The following CAMTA1 variants were observed in gnomAD, a reference collection of about 807,000 sequenced individuals.
CAMTA1 encodes the protein calmodulin-binding transcription activator 1.
A neutral mutation model predicts 170.9 loss-of-function variants in CAMTA1; 27 were observed. The observed-to-expected ratio is 0.16, with a 90% confidence interval of 0.12 to 0.22. The LOEUF is 0.22. Ranked by LOEUF, CAMTA1 falls within the 10% of genes least tolerant of loss-of-function variation. CAMTA1 has a pLI of 1.00. For missense variants in CAMTA1, 1,619 were observed against 2,217.2 expected, an observed-to-expected ratio of 0.73 and a Z score of 5.42; for synonymous variants, 833 against 891.5, an observed-to-expected ratio of 0.93 and a Z score of 1.17.
chr1:7,708,864 G>T (rs1370858460), intron 11 of CAMTA1, among the ~76,000 whole-genome samples: 1 of 152,160 alleles, frequency 6.6e-6, no homozygotes, highest in African/African-American at 2.4e-5. Flanking sequence ...AATGTGGAAG[G>T]TGATGATAAG....
chr1:7,188,582 C>G (rs1322790394), intron 4 of CAMTA1, among the ~76,000 whole-genome samples: 1 of 152,188 alleles, frequency 6.6e-6, no homozygotes, highest in Non-Finnish European at 1.5e-5. Context: ...CCTTTTGTGG[C>G]AGACATATTT....
At chr1:7,686,924 CTGAGA>C (rs1472924053) in intron 11 of CAMTA1, among the ~76,000 whole-genome samples, 1 of 151,942 alleles carries the variant, frequency 6.6e-6, no homozygotes, top group Non-Finnish European at 1.5e-5. Flanking sequence ...AAACCATTTC[CTGAGA>C]TGGAGAAGTC....
intron 3 of CAMTA1, among the ~76,000 whole-genome samples, chr1:6,979,096 G>A (rs976691780): frequency 6.6e-6 from 1 of 152,216 alleles, no homozygotes; most frequent in Non-Finnish European, 1.5e-5. Flanking sequence ...GTGGCTGGAG[G>A]AGGGAGTGCG....
chr1:7,110,811 C>A (rs191533041), intron 4 of CAMTA1, among the ~76,000 whole-genome samples: 1 of 152,206 alleles, frequency 6.6e-6, no homozygotes, highest in Non-Finnish European at 1.5e-5. Context: ...AGTTTAGGGA[C>A]TCTGTGCGAC....
chr1:7,508,954 G>A lies in CAMTA1; in HGVS notation c.510+41053G>A, dbSNP rs190030328. 2.5e-3 allele frequency among the ~76,000 whole-genome samples: 382 copies of A among 152,012 alleles called. 1 individual carries two copies. The highest frequency in any genetic ancestry group is 4.8e-3 in the Non-Finnish European group (325 of 67,986). Reference sequence around the variant, plus strand: ...CCCTTCCCATACAGGGCTGGAAAACGTGCAAAAAAAATGCCCATGGCCTGA... The same window carrying A: ...CCCTTCCCATACAGGGCTGGAAAACATGCAAAAAAAATGCCCATGGCCTGA... On this transcript the variant is annotated intron_variant, in intron 6 of 22. Coordinates refer to ENST00000303635, the MANE Select transcript of CAMTA1 (RefSeq NM_015215.4).
At position 7,709,153 on chromosome 1, in the gene CAMTA1, C is replaced by T. The variant is rs138635811; in HGVS notation, c.2915-23295C>T. Among the ~76,000 whole-genome samples the T allele has an allele frequency of 3.0e-3, 456 of 152,280 alleles. 3 individuals are homozygous for T. The highest frequency in any genetic ancestry group is 5.1e-3 in the Non-Finnish European group (345 of 68,028). On this transcript the variant is annotated intron_variant, in intron 11 of 22. Transcript: ENST00000303635. ...TTTTTCCTTTGAGCCTCACTCAAGTCTTATTAATGAAGCTTTTTTTCTCCC... is the reference window on the plus strand; with the variant it reads ...TTTTTCCTTTGAGCCTCACTCAAGTTTTATTAATGAAGCTTTTTTTCTCCC...
At chr1:7,639,520 C>T (rs543020903) in intron 6 of CAMTA1, among the ~76,000 whole-genome samples, 5 of 152,258 alleles carry the variant, frequency 3.3e-5, no homozygotes, top group East Asian at 3.9e-4. Context: ...CGCCTGTCAT[C>T]GCAGCAGTTT....
intron 1 of CAMTA1, among the ~76,000 whole-genome samples, chr1:6,812,596 T>C (rs1226603343): frequency 1.3e-5 from 2 of 152,228 alleles, no homozygotes; most frequent in Non-Finnish European, 2.9e-5. Flanking sequence ...TTTGTACAAA[T>C]GTGGACATTT....
chr1:7,655,201 TAC>T lies in CAMTA1; in HGVS notation c.665-6519_665-6518del, dbSNP rs1195204197. 2.0e-3 allele frequency among the ~76,000 whole-genome samples: 211 copies of T among 107,578 alleles called. 2 individuals carry two copies. Among genetic ancestry groups the T allele is most frequent in the African/African-American group, 7.3e-3 (196 of 26,788 alleles). 70.6% of individuals were successfully genotyped at this position (107,578 alleles called of 152,430 possible). A position where few individuals can be genotyped will look rare whatever the true frequency, so the allele number is the denominator to read the frequency against. On this transcript the variant is annotated intron_variant, in intron 7 of 22. Transcript: ENST00000303635. ...ACCTATACACAAACACACACCCCTA[TAC>T]ACACAAACACACCCATCTATACACA...
intron 4 of CAMTA1, among the ~76,000 whole-genome samples, chr1:7,200,649 C>T (rs1656496992): frequency 6.6e-6 from 1 of 152,194 alleles, no homozygotes; most frequent in Non-Finnish European, 1.5e-5. Flanking sequence ...GATTAGATTA[C>T]ACAGTGTTGT....
intron 11 of CAMTA1, among the ~76,000 whole-genome samples, chr1:7,687,890 C>T (rs1383968968): frequency 2.6e-5 from 4 of 152,200 alleles, no homozygotes; most frequent in African/African-American, 9.6e-5. Context: ...CTCCAGGGCC[C>T]TGACCACTGG....
At chr1:7,470,371 G>A (rs1575493320) in intron 6 of CAMTA1, among the ~76,000 whole-genome samples, 2 of 152,228 alleles carry the variant, frequency 1.3e-5, no homozygotes, top group South Asian at 4.1e-4. Flanking sequence ...TAATGATGCT[G>A]TGGCCAGGTT....
chr1:7,716,481 C>T (rs182463603), intron 11 of CAMTA1, among the ~76,000 whole-genome samples: 6 of 152,204 alleles, frequency 3.9e-5, no homozygotes, highest in Admixed American at 3.9e-4. Flanking sequence ...GACTTATTTA[C>T]CTATATGTTT....
At chr1:7,086,249 G>T (rs1158155571) in intron 3 of CAMTA1, among the ~76,000 whole-genome samples, 6 of 152,050 alleles carry the variant, frequency 3.9e-5, no homozygotes, top group African/African-American at 1.4e-4. Flanking sequence ...CATCGATGTG[G>T]TATTTAGGAT....
intron 5 of CAMTA1, among the ~76,000 whole-genome samples, chr1:7,320,391 G>A (rs921919910): frequency 6.6e-6 from 1 of 152,146 alleles, no homozygotes; most frequent in African/African-American, 2.4e-5. Flanking sequence ...CACAGTCATC[G>A]AATCAGTTGG....
intron 7 of CAMTA1, among the ~76,000 whole-genome samples, chr1:7,645,063 G>C (rs1162613350): frequency 6.6e-6 from 1 of 152,218 alleles, no homozygotes; most frequent in East Asian, 1.9e-4. Context: ...TGGTCTGAGA[G>C]AGCACCAGAT....
At chr1:6,949,282 G>C (rs1688058852) in intron 3 of CAMTA1, among the ~76,000 whole-genome samples, 1 of 152,224 alleles carries the variant, frequency 6.6e-6, no homozygotes, top group Non-Finnish European at 1.5e-5. Context: ...AGAGTTTCTA[G>C]CAGATAGGGC....
At chr1:7,672,082 C>A in intron 10 of CAMTA1, 1 of 456,032 alleles carries the variant, frequency 2.2e-6, no homozygotes, top group Non-Finnish European at 4.4e-6. Context: ...GTCCAGTGAG[C>A]CCTGACCATA....
chr1:6,886,323 C>T (rs1673205668), intron 3 of CAMTA1: 2 of 447,714 alleles, frequency 4.5e-6, no homozygotes, highest in Admixed American at 4.9e-5. Context: ...TCCAGAGGAA[C>T]TCGTATTTTA....
Sources: gnomAD v4.1 joint callset for allele counts (sites outside exome capture counted in the v4.1 genomes callset) on GRCh38, gnomAD v4.1.1 for gene constraint, MANE v1.5 for transcripts, NCBI Gene and HGNC (gene_info 2026-07-23, HGNC 2026-07-21) for gene names.